Variants in CD101 observed in about 807,000 individuals in gnomAD.
The protein encoded by CD101 is immunoglobulin superfamily member 2.
Under a neutral mutation model 98.2 loss-of-function variants are expected in CD101, and 76 were observed. The observed-to-expected ratio is 0.77, with a 90% CI of 0.64 to 0.94. CD101 has a LOEUF of 0.94. Ranked by LOEUF, CD101 falls within the 40% of genes least tolerant of loss-of-function variation. CD101 has a pLI of 0.00. For missense variants in CD101, 1,145 were observed against 1,218.8 expected (o/e 0.94, Z 0.90); for synonymous variants, 471 against 472.7 (o/e 1.00, Z 0.05).
intron 8 of CD101, chr1:117,032,532 C>T (rs1654525541): frequency 6.6e-6 from 1 of 152,190 alleles, no homozygotes; most frequent in African/African-American, 2.4e-5. Flanking sequence ...TCAAAATGAC[C>T]TCTAAACCTC....
rs778006431 is a variant in CD101 at position 117,034,099 on chromosome 1, T to G, written c.3064T>G (p.Ter1022GlyextTer28). The part of the protein sequence containing the change: ...REDEEEDEGN[*>G] ...AGACGAGGAGGAAGATGAAGGCAACTGAATCCCAAGAGGCACCTGCAGCCA... is the reference window on the plus strand; with the variant it reads ...AGACGAGGAGGAAGATGAAGGCAACGGAATCCCAAGAGGCACCTGCAGCCA... Residue 1022 changes from the stop codon to glycine, a stop_lost, in exon 9 of 10, where the codon TGA becomes GGA. Coordinates refer to ENST00000682167, the MANE Select transcript of CD101 (RefSeq NM_001256106.3). 1 of 1,613,966 alleles carries G rather than the reference T, an allele frequency of 6.2e-7. No homozygotes were observed. The highest frequency in any genetic ancestry group is 8.5e-7 in the Non-Finnish European group (1 of 1,179,990).
rs186703634 is a variant in CD101 at position 117,007,252 on chromosome 1, C to T, written c.44-2598C>T. Reference sequence around the variant, plus strand: ...CTACCCAGGTCAAGAAATAGAATATCGCCAAGACCCTAGAAGCACCCACCC... The same window carrying T: ...CTACCCAGGTCAAGAAATAGAATATTGCCAAGACCCTAGAAGCACCCACCC... On this transcript the variant is annotated intron_variant, in intron 1 of 9. Transcript: ENST00000682167. Among the ~76,000 whole-genome samples, 452 of 152,178 alleles carry T rather than the reference C, an allele frequency of 3.0e-3. 6 individuals are homozygous for T. Among genetic ancestry groups the T allele is most frequent in the East Asian group, 9.4e-3 (49 of 5,190 alleles).
At position 117,017,099 on chromosome 1, in the gene CD101, T is replaced by C. The variant is rs139692289; in HGVS notation, c.1238T>C (p.Val413Ala). ...AATCTGTAACTCACAGCAAGAAGTG[T>C]GGTCATGTCTACCAAGAACAAGCAG... ...VHLRKPAARSVVMSTKNKQQV... is the reference protein window; with the variant it reads ...VHLRKPAARSAVMSTKNKQQV... The change falls in exon 5 of 10, where the codon GTG becomes GCG. Residue 413 changes from valine (V) to alanine (A), a missense_variant. By Grantham distance (64) the Val-to-Ala change is moderately conservative. Coordinates refer to ENST00000682167, the MANE Select transcript of CD101 (RefSeq NM_001256106.3). 220 of 1,613,326 alleles carry C rather than the reference T, an allele frequency of 1.4e-4. 1 individual carries two copies. In the East Asian group the frequency reaches 4.7e-3, roughly 34 times the overall value.
intron 9 of CD101, among the ~76,000 whole-genome samples, chr1:117,034,838 A>T (rs1654707234): frequency 1.3e-5 from 2 of 152,154 alleles, no homozygotes; most frequent in South Asian, 4.1e-4. Flanking sequence ...TCAGCCCCCC[A>T]AGGCCTCGTA....
chr1:117,021,837 T>C lies in CD101; in HGVS notation c.2282T>C (p.Phe761Ser). The C allele has an allele frequency of 6.2e-7, 1 of 1,614,142 alleles. No individual in the cohort carries two copies. Residue 761 changes from phenylalanine to serine, a missense_variant, in exon 7 of 10, where the codon TTT (phenylalanine) becomes TCT (serine). Transcript: ENST00000682167. The surrounding 1 kb of genome is among the most constrained non-coding windows in gnomAD (Gnocchi z 4.7). Reference sequence around the variant, plus strand: ...ACTGAGAAGGTTTCCCAAGACTTATTTCAGCTGCACATTCTGAATGTGGAA... The same window carrying C: ...ACTGAGAAGGTTTCCCAAGACTTATCTCAGCTGCACATTCTGAATGTGGAA... ...FHTEKVSQDL[F>S]QLHILNVEDS...
chr1:117,028,453 T>A (rs1654109611), intron 8 of CD101, among the ~76,000 whole-genome samples: 1 of 152,174 alleles, frequency 6.6e-6, no homozygotes, highest in Non-Finnish European at 1.5e-5. Flanking sequence ...TGGAACTGAG[T>A]TCAGAGTAAC....
At position 117,010,265 on chromosome 1, in the gene CD101, T is replaced by G. The variant is rs1019442870; in HGVS notation, c.424+35T>G. Reference sequence around the variant, plus strand: ...TTGTCCACTTCTGCTAGCCAGCCCCTGAGAAGCCAGAGTCTCCACCATGAC... The same window carrying G: ...TTGTCCACTTCTGCTAGCCAGCCCCGGAGAAGCCAGAGTCTCCACCATGAC... On this transcript the variant is annotated intron_variant, in intron 2 of 9. Coordinates refer to ENST00000682167, the MANE Select transcript of CD101 (RefSeq NM_001256106.3). This position sits in a 1 kb window ranked among gnomAD's most constrained non-coding sequence, Gnocchi z 5.2. 2.5e-6 allele frequency: 4 copies of G among 1,576,374 alleles called. No homozygotes were observed. The highest frequency in any genetic ancestry group is 3.5e-6 in the Non-Finnish European group (4 of 1,158,534).
At chr1:117,008,594 T>A (rs1220732413) in intron 1 of CD101, among the ~76,000 whole-genome samples, 1 of 152,242 alleles carries the variant, frequency 6.6e-6, no homozygotes, top group Non-Finnish European at 1.5e-5. Flanking sequence ...AGGTGACCAC[T>A]TACCTTTTCT....
rs1275150994 is a variant in CD101 at position 117,017,209 on chromosome 1, A to C, written c.1348A>C (p.Ile450Leu). 6.2e-7 allele frequency: 1 copy of C among 1,614,108 alleles called. No individual in the cohort carries two copies. The highest frequency in any genetic ancestry group is 1.3e-5 in the African/African-American group (1 of 75,036). The stretch of plus-strand genomic sequence containing the variant: ...TCCCCTGTCTGTGAGCTGGTGGCAC[A>C]TCCCACGGGACCAGACACAGCCCGA... ...ESPLSVSWWHIPRDQTQPEFV... is the reference protein window; with the variant it reads ...ESPLSVSWWHLPRDQTQPEFV... Residue 450 changes from isoleucine to leucine, a missense_variant, in exon 5 of 10, where the codon ATC becomes CTC. Coordinates refer to ENST00000682167, the MANE Select transcript of CD101 (RefSeq NM_001256106.3).
chr1:117,029,213 A>AAAAGAAAGAAAG (rs61165020), intron 8 of CD101, among the ~76,000 whole-genome samples: 22 of 71,818 alleles, frequency 3.1e-4, no homozygotes, highest in East Asian at 4.0e-4. Context: ...GAAAAGAAAG[A>AAAAGAAAGAAAG]AAAGAAAGAA....
At position 117,022,760 on chromosome 1, in the gene CD101, T is replaced by C. The variant is rs1479666148; in HGVS notation, c.2428+777T>C. Among the ~76,000 whole-genome samples the C allele has an allele frequency of 2.0e-5, 3 of 152,308 alleles. No individual in the cohort carries two copies. Among genetic ancestry groups the C allele is most frequent in the Admixed American group, 2.0e-4 (3 of 15,298 alleles). On this transcript the variant is annotated intron_variant, in intron 7 of 9. Coordinates refer to ENST00000682167, the MANE Select transcript of CD101 (RefSeq NM_001256106.3). This position sits in a 1 kb window ranked among gnomAD's most constrained non-coding sequence, Gnocchi z 4.8. ...ATTAGATGATAATTGAGCATTACTA[T>C]GTGTTAGGCAGTGGAATACAAAGAT... is the stretch of plus-strand genomic sequence containing the variant.
chr1:117,015,439 T>C (rs955659404), intron 4 of CD101, among the ~76,000 whole-genome samples: 7 of 152,170 alleles, frequency 4.6e-5, no homozygotes, highest in Non-Finnish European at 7.3e-5. Context: ...ACTTCAGTTA[T>C]GAGTCTATTT....
chr1:117,005,138 G>A lies in CD101; in HGVS notation c.43+3278G>A, dbSNP rs1191681184. Among the ~76,000 whole-genome samples, 1 of 152,044 alleles carries A rather than the reference G, an allele frequency of 6.6e-6. No individual in the cohort carries two copies. Among genetic ancestry groups the A allele is most frequent in the Non-Finnish European group, 1.5e-5 (1 of 68,002 alleles). ...CCATCACCTTGGAAATTAGGTTTCTGCGTGTGAGTTTTAGGAAGACACAGA... is the reference window on the plus strand; with the variant it reads ...CCATCACCTTGGAAATTAGGTTTCTACGTGTGAGTTTTAGGAAGACACAGA... On this transcript the variant is annotated intron_variant, in intron 1 of 9. Transcript: ENST00000682167. This position sits in a 1 kb window ranked among gnomAD's most constrained non-coding sequence, Gnocchi z 4.4.
chr1:117,018,540 G>A lies in CD101; in HGVS notation c.1997G>A (p.Arg666Lys). Residue 666 changes from arginine to lysine, a missense_variant, in exon 6 of 10, where the codon AGG (arginine) becomes AAG (lysine). Coordinates refer to ENST00000682167, the MANE Select transcript of CD101 (RefSeq NM_001256106.3). This position sits in a 1 kb window ranked among gnomAD's most constrained non-coding sequence, Gnocchi z 4.3. ...GCTTCTGCCATCTCTCACCCACTGA[G>A]GATAGCCGTCACTTTACCAGGTAAG... ...PRASAISHPL[R>K]IAVTLPESKL... is the part of the protein sequence containing the mutation. The A allele has an allele frequency of 1.9e-6, 3 of 1,596,944 alleles. No homozygotes were observed. Among genetic ancestry groups the A allele is most frequent in the Non-Finnish European group, 1.7e-6 (2 of 1,168,902 alleles).
intron 2 of CD101, 130 bp from the exon 3 acceptor site, chr1:117,011,420 A>T: frequency 1.4e-6 from 1 of 726,528 alleles, no homozygotes; most frequent in Non-Finnish European, 2.3e-6. Context: ...ATGGATAGGA[A>T]AGCATATGGC....
At position 117,011,540 on chromosome 1, in the gene CD101, T is replaced by C. The variant is rs766643582; in HGVS notation, c.425-10T>C. ...GGCCAGTCACATTATTATCATTCCT[T>C]TGTTTCCAGTTATTCCAGATACCCT... On this transcript the variant is annotated splice_polypyrimidine_tract_variant and intron_variant, in intron 2 of 9. Coordinates refer to ENST00000682167, the MANE Select transcript of CD101 (RefSeq NM_001256106.3). The C allele has an allele frequency of 6.2e-7, 1 of 1,607,542 alleles. No homozygotes were observed. The highest frequency in any genetic ancestry group is 8.5e-7 in the Non-Finnish European group (1 of 1,176,872).
In CD101 at chr1:117,013,770, C is replaced by T. The variant is rs147079394; in HGVS notation, c.1206C>T (p.His402=). 77 of 1,612,150 alleles carry T rather than the reference C, an allele frequency of 4.8e-5. No individual in the cohort carries two copies. The Middle Eastern group carries it at 7.4e-4, about 15-fold the overall frequency. Residue 402 remains histidine, a synonymous_variant, in exon 4 of 10, where the codon CAC becomes CAT. Coordinates refer to ENST00000682167, the MANE Select transcript of CD101 (RefSeq NM_001256106.3). ...VLQRKQSPDS[H]VHLRKPAARS... is the part of the protein sequence containing the mutation. ...AGAGAAAGCAGTCACCAGACAGCCA[C>T]GTGCACCTGAGGAAGCCAGCAGGTA...
rs951186305 is a variant in CD101 at position 117,018,053 on chromosome 1, A to G, written c.1613-103A>G. On this transcript the variant is annotated intron_variant, in intron 5 of 9. Coordinates refer to ENST00000682167, the MANE Select transcript of CD101 (RefSeq NM_001256106.3). This position sits in a 1 kb window ranked among gnomAD's most constrained non-coding sequence, Gnocchi z 4.3. Reference sequence around the variant, plus strand: ...TAAAATAGGAAACTCCAAATGTACAAATGCATGGTCCTAGTCAAAGAGGTG... The same window carrying G: ...TAAAATAGGAAACTCCAAATGTACAGATGCATGGTCCTAGTCAAAGAGGTG... The G allele has an allele frequency of 1.0e-6, 1 of 1,001,044 alleles. No homozygotes were observed. The highest frequency in any genetic ancestry group is 1.4e-6 in the Non-Finnish European group (1 of 697,172). 62.0% of individuals were successfully genotyped at this position (1,001,044 alleles called of 1,614,324 possible). A position where few individuals can be genotyped will look rare whatever the true frequency, so the allele number is the denominator to read the frequency against.
chr1:117,033,957 C>T lies in CD101; in HGVS notation c.2922C>T (p.Leu974=), dbSNP rs760616794. 3 of 1,614,194 alleles carry T rather than the reference C, an allele frequency of 1.9e-6. No homozygotes were observed. In the Admixed American group the frequency reaches 5.0e-5, roughly 27 times the overall value. ...TGCTCCTCCTTCTGCTCATCTCCCT[C>T]CTCTGCTTATACTGGAAGGCCAGGA... ...FVLLLLLLIS[L]LCLYWKARKL... The change falls in exon 9 of 10, where the codon CTC becomes CTT. Residue 974 remains leucine, a synonymous_variant. Transcript: ENST00000682167. The surrounding 1 kb of genome is among the most constrained non-coding windows in gnomAD (Gnocchi z 4.8).
Sources: allele counts gnomAD v4.1 joint callset (sites outside exome capture counted in the v4.1 genomes callset), GRCh38; gene constraint gnomAD v4.1.1; non-coding constraint Gnocchi (gnomAD v3.1); transcripts MANE v1.5; gene names NCBI Gene and HGNC (gene_info 2026-07-23, HGNC 2026-07-21).